SAMD12: variants seen among roughly 807,000 people sequenced by gnomAD.
SAMD12 encodes sterile alpha motif domain-containing protein 12.
Under a neutral mutation model 15.0 loss-of-function variants are expected in SAMD12, and 9 were observed. The ratio of observed to expected loss-of-function variants is 0.60; its 90% CI spans 0.36 to 1.05. The LOEUF (loss-of-function observed/expected upper bound fraction) is 1.05, where lower values mean the gene tolerates loss of function less well. Ranked by LOEUF, SAMD12 falls within the 50% of genes least tolerant of loss-of-function variation. SAMD12 has a pLI of 0.01. For synonymous variants in SAMD12, 86 were observed against 90.1 expected, an observed-to-expected ratio of 0.96 and a Z score of 0.25; for missense variants, 230 against 234.2, an observed-to-expected ratio of 0.98 and a Z score of 0.12.
intron 4 of SAMD12, among the ~76,000 whole-genome samples, chr8:118,207,424 T>C (rs1372319537): frequency 1.3e-5 from 2 of 152,086 alleles, no homozygotes; most frequent in African/African-American, 4.8e-5. Flanking sequence ...AGCCATTACA[T>C]TCTGACAGCC....
At chr8:118,429,440 G>A (rs1023087994) in intron 3 of SAMD12, among the ~76,000 whole-genome samples, 2 of 152,132 alleles carry the variant, frequency 1.3e-5, no homozygotes, top group African/African-American at 4.8e-5. Context: ...CTGGTTCCAT[G>A]TATTCTAGAC....
chr8:118,182,020 A>AT, the SAMD12 span, among the ~76,000 whole-genome samples: 3 of 151,906 alleles, frequency 2.0e-5, no homozygotes, highest in African/African-American at 4.8e-5. Flanking sequence ...ACCCCACAGA[A>AT]TTTTTTTTTC....
rs541238364 is a variant in SAMD12 at position 118,550,903 on chromosome 8, A to C, written c.192+29812T>G. On this transcript the variant is annotated intron_variant, in intron 2 of 3. Coordinates refer to ENST00000314727, the MANE Select transcript of SAMD12 (RefSeq NM_207506.3). ...CCTAGTCTCTGATAAAACAGACTTT[A>C]AACCAACAAAGATCAAAAGAGACAA... Among the ~76,000 whole-genome samples, 543 of 150,326 alleles carry C rather than the reference A, an allele frequency of 3.6e-3. 5 individuals carry two copies. Among genetic ancestry groups the C allele is most frequent in the African/African-American group, 0.013 (521 of 40,614 alleles).
chr8:118,315,282 C>T (rs1421293583), intron 4 of SAMD12, among the ~76,000 whole-genome samples: 3 of 152,202 alleles, frequency 2.0e-5, no homozygotes, highest in South Asian at 2.1e-4. Flanking sequence ...TTCCTGTGTT[C>T]GAGTTTTAAA....
intron 4 of SAMD12, among the ~76,000 whole-genome samples, chr8:118,218,987 CATT>C (rs971764390): frequency 4.6e-5 from 7 of 152,144 alleles, no homozygotes; most frequent in African/African-American, 1.4e-4. Context: ...GTTGTAACAT[CATT>C]GTCTCACACT....
intron 1 of SAMD12, among the ~76,000 whole-genome samples, chr8:118,584,956 AACACACAC>A (rs1331941480): frequency 7.4e-6 from 1 of 134,656 alleles, no homozygotes; most frequent in Admixed American, 7.3e-5. Context: ...CACACACACA[AACACACAC>A]ACACAAACTG....
chr8:118,571,125 C>A (rs1476163970), intron 2 of SAMD12, among the ~76,000 whole-genome samples: 1 of 152,016 alleles, frequency 6.6e-6, no homozygotes, highest in Non-Finnish European at 1.5e-5. Context: ...TAAATTGGTA[C>A]TAGGAGTGGA....
intron 2 of SAMD12, among the ~76,000 whole-genome samples, chr8:118,451,921 ATC>A (rs2130916988): frequency 6.6e-6 from 1 of 152,290 alleles, no homozygotes; most frequent in Admixed American, 6.5e-5. Context: ...TGGACTGAAT[ATC>A]TCTGTCTCCC....
Position 118,289,909 on chromosome 8 carries a change from C to G in SAMD12, c.433+89651G>C, listed in dbSNP as rs534700792. Among the ~76,000 whole-genome samples, 17 of 152,216 alleles carry G rather than the reference C, an allele frequency of 1.1e-4. No individual in the cohort carries two copies. In the South Asian group the frequency reaches 3.5e-3, roughly 32 times the overall value. On this transcript the variant is annotated intron_variant, in intron 4 of 4. Transcript: ENST00000409003. ...CCAAATGTAACTAGATCAGAAAGATCTAACTACATTTCCAAATCAGAAAGA... is the reference window on the plus strand; with the variant it reads ...CCAAATGTAACTAGATCAGAAAGATGTAACTACATTTCCAAATCAGAAAGA...
chr8:118,607,249 T>TC (rs398112940), intron 1 of SAMD12, among the ~76,000 whole-genome samples: 4 of 152,050 alleles, frequency 2.6e-5, no homozygotes, highest in African/African-American at 9.7e-5. Flanking sequence ...CTTTTTTTTT[T>TC]CTTGAGACGG....
At chr8:118,322,296 T>C (rs1026223868) in intron 4 of SAMD12, among the ~76,000 whole-genome samples, 1 of 152,244 alleles carries the variant, frequency 6.6e-6, no homozygotes, top group African/African-American at 2.4e-5. Context: ...GTGGGCTCCA[T>C]AGTGATGGGG....
chr8:118,372,966 G>A (rs1266835050), intron 4 of SAMD12, among the ~76,000 whole-genome samples: 1 of 152,060 alleles, frequency 6.6e-6, no homozygotes, highest in Non-Finnish European at 1.5e-5. Flanking sequence ...CTGTAGGGAT[G>A]GAAAACATCA....
rs1382938610 is a variant in SAMD12 at position 118,621,656 on chromosome 8, G to A, written c.13+148C>T. On this transcript the variant is annotated intron_variant, in intron 1 of 3. Coordinates refer to ENST00000314727, the MANE Select transcript of SAMD12 (RefSeq NM_207506.3). ...GCGCCTACTGGCCTTGGCGGCGCAGGTGAGTGCCAAGAGGTGGAGGAGGAA... is the reference window on the plus strand; with the variant it reads ...GCGCCTACTGGCCTTGGCGGCGCAGATGAGTGCCAAGAGGTGGAGGAGGAA... 4 of 845,614 alleles carry A rather than the reference G, an allele frequency of 4.7e-6. No homozygotes were observed. In the African/African-American group the frequency reaches 6.6e-5, roughly 14 times the overall value. The allele number at this position is 845,614 out of a possible 1,614,324, so 52.4% of individuals were successfully genotyped here.
chr8:118,610,324 G>A (rs917253208), intron 1 of SAMD12, among the ~76,000 whole-genome samples: 1 of 152,122 alleles, frequency 6.6e-6, no homozygotes, highest in Non-Finnish European at 1.5e-5. Flanking sequence ...TTTTTCTTAA[G>A]TAACCAAGGT....
intron 2 of SAMD12, among the ~76,000 whole-genome samples, chr8:118,546,377 T>C (rs1826124075): frequency 6.6e-6 from 1 of 152,002 alleles, no homozygotes; most frequent in African/African-American, 2.4e-5. Context: ...AATCCAACAT[T>C]TTTTCCTGGC....
chr8:118,273,771 A>G (rs1359013704), intron 4 of SAMD12, among the ~76,000 whole-genome samples: 8 of 152,162 alleles, frequency 5.3e-5, no homozygotes, highest in Non-Finnish European at 1.0e-4. Context: ...GAGTACAGGC[A>G]CACAGATGGG....
intron 2 of SAMD12, among the ~76,000 whole-genome samples, chr8:118,526,583 G>T (rs1253592010): frequency 6.6e-6 from 1 of 152,146 alleles, no homozygotes; most frequent in Non-Finnish European, 1.5e-5. Context: ...TTAATGAAAA[G>T]ACTATTTAGA....
intron 1 of SAMD12, among the ~76,000 whole-genome samples, chr8:118,611,412 G>C (rs1349783406): frequency 6.6e-6 from 1 of 152,330 alleles, no homozygotes; most frequent in Non-Finnish European, 1.5e-5. Context: ...GCTACTCTCA[G>C]AGATGGAAAG....
intron 2 of SAMD12, among the ~76,000 whole-genome samples, chr8:118,447,656 A>T (rs1326089410): frequency 1.3e-5 from 2 of 151,286 alleles, no homozygotes; most frequent in Non-Finnish European, 2.9e-5. Context: ...CTAGCTACCC[A>T]GCTCTTTGAT....
Sources: gnomAD v4.1 joint callset for allele counts (sites outside exome capture counted in the v4.1 genomes callset) on GRCh38, gnomAD v4.1.1 for gene constraint, MANE v1.5 for transcripts, NCBI Gene and HGNC (gene_info 2026-07-23, HGNC 2026-07-21) for gene names.